Variants in RECK observed in about 807,000 individuals in gnomAD.
RECK encodes reversion-inducing cysteine-rich protein with Kazal motifs.
A neutral mutation model predicts 115.1 loss-of-function variants in RECK; 69 were observed. The observed-to-expected ratio is 0.60, with a 90% CI of 0.49 to 0.73. The LOEUF is 0.73. RECK is among the 30% of genes least tolerant of loss of function. The pLI is 0.00. For missense variants in RECK, 1,047 were observed against 1,203.7 expected (o/e 0.87, Z 1.93); for synonymous variants, 414 against 419.7 (o/e 0.99, Z 0.17).
intron 6 of RECK, among the ~76,000 whole-genome samples, chr9:36,068,329 G>T (rs1364483089): frequency 6.6e-6 from 1 of 152,158 alleles, no homozygotes; most frequent in Non-Finnish European, 1.5e-5. Flanking sequence ...CGTTATGATG[G>T]ATTGAATATA....
intron 1 of RECK, among the ~76,000 whole-genome samples, chr9:36,038,002 T>TAAAAAA (rs370999682): frequency 8.9e-6 from 1 of 112,504 alleles, no homozygotes; most frequent in Non-Finnish European, 1.8e-5. Flanking sequence ...AGAGACACCT[T>TAAAAAA]AAAAAAAAAA....
chr9:36,102,291 GT>G lies in RECK; in HGVS notation c.1435+65del, dbSNP rs1823594825. 2.8e-6 allele frequency: 4 copies of G among 1,411,762 alleles called. No individual in the cohort carries two copies. The Admixed American group carries it at 6.1e-5, about 22-fold the overall frequency. The allele number at this position is 1,411,762 out of a possible 1,614,324, so 87.5% of individuals were successfully genotyped here. A position where few individuals can be genotyped will look rare whatever the true frequency, so the allele number is the denominator to read the frequency against. ...AAATACTTCTCTCTTCCAACTATTT[GT>G]TTTACTATTTGTTTTGGATGAGCAT... On this transcript the variant is annotated intron_variant, in intron 12 of 20. Coordinates refer to ENST00000377966, the MANE Select transcript of RECK (RefSeq NM_021111.3).
intron 12 of RECK, among the ~76,000 whole-genome samples, chr9:36,104,318 ATATATATATT>A (rs1823700762): frequency 3.5e-5 from 2 of 57,724 alleles, no homozygotes; most frequent in African/African-American, 2.0e-4. Flanking sequence ...ATATATATAT[ATATATATATT>A]TTTTTTTTTT....
chr9:36,115,989 T>C (rs1587095536), intron 16 of RECK, among the ~76,000 whole-genome samples: 2 of 152,292 alleles, frequency 1.3e-5, no homozygotes, highest in East Asian at 3.9e-4. Flanking sequence ...GAATTGAGAA[T>C]GAAGCAAGGT....
At chr9:36,096,144 G>T (rs2132644353) in intron 10 of RECK, among the ~76,000 whole-genome samples, 1 of 152,128 alleles carries the variant, frequency 6.6e-6, no homozygotes, top group Non-Finnish European at 1.5e-5. Context: ...GGCTGAGGTG[G>T]GAGGATGGCT....
In RECK at chr9:36,091,233, T is replaced by C; in HGVS notation, c.975T>C (p.Phe325=). The change falls in exon 10 of 21, where the codon TTT becomes TTC. Residue 325 remains phenylalanine, a synonymous_variant. Coordinates refer to ENST00000377966, the MANE Select transcript of RECK (RefSeq NM_021111.3). Reference sequence around the variant, plus strand: ...AGAGTTGGCAAGAGTTTGATCGCTTTTGTGAATATAATCCAGTGGAAGTGT... The same window carrying C: ...AGAGTTGGCAAGAGTTTGATCGCTTCTGTGAATATAATCCAGTGGAAGTGT... ...NTQSWQEFDR[F]CEYNPVEVSM... 6.2e-7 allele frequency: 1 copy of C among 1,614,024 alleles called. No individual in the cohort carries two copies. The highest frequency in any genetic ancestry group is 8.5e-7 in the Non-Finnish European group (1 of 1,179,932).
intron 2 of RECK, among the ~76,000 whole-genome samples, chr9:36,057,309 T>G (rs1821567753): frequency 6.6e-6 from 1 of 152,162 alleles, no homozygotes; most frequent in Non-Finnish European, 1.5e-5. Flanking sequence ...TTAAGAACAG[T>G]TTAGAATAAA....
intron 14 of RECK, 135 bp downstream of exon 14, chr9:36,108,299 T>C: frequency 1.7e-6 from 1 of 574,414 alleles, no homozygotes; most frequent in Non-Finnish European, 2.9e-6. Flanking sequence ...TTTCAAACTA[T>C]ACAGAGCACT....
At chr9:36,106,076 G>A (rs1823797265) in intron 13 of RECK, among the ~76,000 whole-genome samples, 2 of 151,660 alleles carry the variant, frequency 1.3e-5, no homozygotes, top group South Asian at 2.1e-4. Context: ...AGCCGGGCAC[G>A]GTGGGCGCCT....
At chr9:36,090,255 A>G (rs545919800) in intron 9 of RECK, among the ~76,000 whole-genome samples, 7 of 152,314 alleles carry the variant, frequency 4.6e-5, no homozygotes, top group Non-Finnish European at 7.4e-5. Flanking sequence ...CCTTATTCCC[A>G]TAATGTGTAA....
At chr9:36,044,317 C>A (rs1336620420) in intron 1 of RECK, among the ~76,000 whole-genome samples, 1 of 151,562 alleles carries the variant, frequency 6.6e-6, no homozygotes, top group Admixed American at 6.6e-5. Context: ...TGATTTTATA[C>A]CTTGATTTTG....
chr9:36,043,999 G>A (rs940724970), intron 1 of RECK, among the ~76,000 whole-genome samples: 1 of 152,050 alleles, frequency 6.6e-6, no homozygotes, highest in Non-Finnish European at 1.5e-5. Flanking sequence ...TTCTAGTTCT[G>A]TGAAGAATGA....
chr9:36,123,132 T>G lies in RECK; in HGVS notation c.*87T>G, dbSNP rs7042392. On this transcript the variant is annotated 3_prime_UTR_variant, in exon 21 of 21. Transcript: ENST00000377966. ...AGGACTGCTGGTTTGTAGTTGAATA[T>G]TGGCCAAGGAAAGGCACATGTCACC... 6.6e-3 allele frequency: 7,167 copies of G among 1,088,276 alleles called. 291 individuals carry two copies. In the African/African-American group the frequency reaches 0.088, roughly 13 times the overall value. 67.4% of individuals were successfully genotyped at this position (1,088,276 alleles called of 1,614,324 possible).
intron 12 of RECK, 53 bp downstream of exon 12, chr9:36,102,283 A>AAT: frequency 6.8e-7 from 1 of 1,462,648 alleles, no homozygotes; most frequent in Non-Finnish European, 9.4e-7. Context: ...TCTCTCTTCC[A>AAT]ACTATTTGTT....
intron 7 of RECK, among the ~76,000 whole-genome samples, chr9:36,081,198 A>G (rs910449171): frequency 3.9e-5 from 6 of 152,214 alleles, no homozygotes; most frequent in Admixed American, 3.9e-4. Context: ...TTACAGGTGA[A>G]GGGAACAGTG....
chr9:36,042,254 C>A (rs1302522825), intron 1 of RECK, among the ~76,000 whole-genome samples: 1 of 151,966 alleles, frequency 6.6e-6, no homozygotes, highest in African/African-American at 2.4e-5. Flanking sequence ...TTGTATTGTT[C>A]TTATGCCTTT....
intron 19 of RECK, 112 bp from the exon 20 acceptor site, chr9:36,121,421 T>C: frequency 1.0e-6 from 1 of 992,904 alleles, no homozygotes; most frequent in South Asian, 1.7e-5. Flanking sequence ...GGCCTTCCGC[T>C]GAGGGCTGTG....
chr9:36,096,412 C>T (rs1440108826), intron 10 of RECK, among the ~76,000 whole-genome samples: 2 of 151,348 alleles, frequency 1.3e-5, no homozygotes, highest in African/African-American at 2.4e-5. Context: ...TGTCGGGCAC[C>T]TGTAATCCCA....
intron 4 of RECK, among the ~76,000 whole-genome samples, chr9:36,061,393 T>TCCAC (rs575009511): frequency 7.8e-6 from 1 of 129,030 alleles, no homozygotes; most frequent in Non-Finnish European, 1.7e-5. Context: ...TGTAATTTTC[T>TCCAC]ACACACACAC....
Sources: allele counts gnomAD v4.1 joint callset (sites outside exome capture counted in the v4.1 genomes callset), GRCh38; gene constraint gnomAD v4.1.1; transcripts MANE v1.5; gene names NCBI Gene and HGNC (gene_info 2026-07-23, HGNC 2026-07-21).